The following GIPR variants were observed in gnomAD, a reference collection of about 807,000 sequenced individuals.
GIPR encodes the protein gastric inhibitory polypeptide receptor.
A neutral mutation model predicts 62.2 loss-of-function variants in GIPR; 74 were observed. The ratio of observed to expected loss-of-function variants is 1.19; its 90% CI spans 0.99 to 1.44. GIPR has a LOEUF of 1.44. GIPR is among the 40% of genes most tolerant of loss of function. The pLI is 0.00. For synonymous variants in GIPR, 256 were observed against 262.2 expected (o/e 0.98, Z 0.23); for missense variants, 664 against 611.8 (o/e 1.09, Z -0.90).
chr19:45,681,437 G>A (rs972209022), intron 12 of GIPR, among the ~76,000 whole-genome samples, 167 bp from the exon 13 acceptor site: 2 of 152,172 alleles, frequency 1.3e-5, no homozygotes, highest in Admixed American at 1.3e-4. Flanking sequence ...AGAGGTTGCC[G>A]TTTGCCGAGA....
At position 45,670,714 on chromosome 19, in the gene GIPR, C is replaced by T. The variant is rs768343561; in HGVS notation, c.152C>T (p.Ala51Val). 5 of 1,608,014 alleles carry T rather than the reference C, an allele frequency of 3.1e-6. No homozygotes were observed. In the South Asian group the frequency reaches 4.4e-5, roughly 14 times the overall value. ...RYRRECQETLAAAEPPSGLAC... is the reference protein window; with the variant it reads ...RYRRECQETLVAAEPPSGLAC... ...CGCAGGGAGTGCCAGGAGACCTTGG[C>T]AGCCGCGGAACCGCCTTCAGGTGTG... Residue 51 changes from alanine to valine, a missense_variant, in exon 3 of 14, where the codon GCA becomes GTA. Physicochemically the swap from Ala to Val is moderately conservative, Grantham distance 64 (BLOSUM62 0). Coordinates refer to ENST00000590918, the MANE Select transcript of GIPR (RefSeq NM_000164.4).
In GIPR at chr19:45,672,970, G is replaced by A; in HGVS notation, c.384+16G>A. The A allele has an allele frequency of 1.4e-6, 2 of 1,444,708 alleles. No individual in the cohort carries two copies. The highest frequency in any genetic ancestry group is 9.8e-7 in the Non-Finnish European group (1 of 1,025,280). The allele number at this position is 1,444,708 out of a possible 1,614,324, so 89.5% of individuals were successfully genotyped here. A position where few individuals can be genotyped will look rare whatever the true frequency, so the allele number is the denominator to read the frequency against. The stretch of plus-strand genomic sequence containing the variant: ...GGCCTTTCTGGTAAGAAGAGGTGAG[G>A]GCTTCAGGTTAGGAGTCCAGGGAGA... On this transcript the variant is annotated intron_variant, in intron 5 of 13. Coordinates refer to ENST00000590918, the MANE Select transcript of GIPR (RefSeq NM_000164.4).
intron 6 of GIPR, 26 bp downstream of exon 6, chr19:45,674,203 C>A: frequency 2.1e-6 from 3 of 1,447,296 alleles, no homozygotes; most frequent in Non-Finnish European, 2.9e-6. Flanking sequence ...TGAGTGGTGG[C>A]GGCAGAGATG....
chr19:45,670,574 G>T (rs1975479606), intron 2 of GIPR, 61 bp from the exon 3 acceptor site: 3 of 1,196,446 alleles, frequency 2.5e-6, no homozygotes, highest in Non-Finnish European at 3.7e-6. Context: ...GGGCCACATG[G>T]ACCTAGCAGC....
intron 4 of GIPR, among the ~76,000 whole-genome samples, chr19:45,672,467 C>T (rs1975593422): frequency 6.6e-6 from 1 of 152,106 alleles, no homozygotes; most frequent in South Asian, 2.1e-4. Context: ...CCACCACACC[C>T]AGCTAATTTT....
Position 45,677,097 on chromosome 19 carries a change from T to A in GIPR, c.782T>A (p.Leu261His), listed in dbSNP as rs756277634. 3.2e-5 allele frequency: 51 copies of A among 1,613,624 alleles called. No homozygotes were observed. Among genetic ancestry groups the A allele is most frequent in the Non-Finnish European group, 4.3e-5 (51 of 1,179,992 alleles). Residue 261 changes from leucine (L) to histidine (H), a missense_variant, in exon 8 of 14, where the codon CTC becomes CAC. Leu to His is a moderately conservative substitution (Grantham distance 99, BLOSUM62 -3). Transcript: ENST00000590918. The stretch of plus-strand genomic sequence containing the variant: ...GAGGGCCACTTCCGCTACTACCTGC[T>A]CCTCGGCTGGGGTGAGCTCCGATCC... Reference protein sequence around the residue: ...SEEGHFRYYLLLGWGAPALFV... With the variant: ...SEEGHFRYYLHLGWGAPALFV...
At chr19:45,672,565 A>C (rs1975597728) in intron 4 of GIPR, 1 of 375,816 alleles carries the variant, frequency 2.7e-6, no homozygotes, top group South Asian at 2.1e-5. Flanking sequence ...TTGGCCTCCC[A>C]AAGTGCTGGG....
intron 7 of GIPR, among the ~76,000 whole-genome samples, chr19:45,675,811 C>A (rs1411277941): frequency 6.6e-6 from 1 of 152,086 alleles, no homozygotes; most frequent in Non-Finnish European, 1.5e-5. Context: ...TCACTTGAGT[C>A]CATCAGGTCG....
rs1037001864 is a variant in GIPR, at chr19:45,682,152, G to T, written c.*217G>T. ...AATGGTTATGAAGGGAAGCGAGAAG[G>T]GGGCCTAGGGTGGTCTGGGAGGCGT... On this transcript the variant is annotated 3_prime_UTR_variant, in exon 14 of 14. Transcript: ENST00000590918. 3 of 578,310 alleles carry T rather than the reference G, an allele frequency of 5.2e-6. No individual in the cohort carries two copies. The highest frequency in any genetic ancestry group is 3.1e-5 in the East Asian group (1 of 32,628). 35.8% of individuals were successfully genotyped at this position (578,310 alleles called of 1,614,324 possible).
chr19:45,677,228 C>G, intron 8 of GIPR, 95 bp from the exon 9 acceptor site: 1 of 1,377,314 alleles, frequency 7.3e-7, no homozygotes, highest in Non-Finnish European at 1.0e-6. Context: ...TTCCCCACCC[C>G]GACAGAGGAA....
chr19:45,673,052 C>T (rs1448260857), intron 5 of GIPR, 98 bp downstream of exon 5: 1 of 763,528 alleles, frequency 1.3e-6, no homozygotes, highest in Non-Finnish European at 2.4e-6. Context: ...GTTCAGACCT[C>T]TGGGTTGTAA....
intron 5 of GIPR, among the ~76,000 whole-genome samples, chr19:45,673,778 C>T (rs1286470028): frequency 1.3e-5 from 2 of 151,862 alleles, no homozygotes; most frequent in African/African-American, 2.4e-5. Flanking sequence ...GTGGGAGGAT[C>T]GCTTGGGCCC....
In GIPR at chr19:45,669,528, CCT is replaced by C; in HGVS notation, c.12_13del (p.Pro5AspfsTer23). On this transcript the variant is annotated frameshift_variant, in exon 2 of 14. Coordinates refer to ENST00000590918, the MANE Select transcript of GIPR (RefSeq NM_000164.4). LOFTEE classifies it high-confidence loss of function. Reference sequence around the variant, plus strand: ...CCCTTCGCCGCCCTCACGATGACTACCTCTCCGATCCTGCAGCTGCTGCTGCG... The same window carrying C: ...CCCTTCGCCGCCCTCACGATGACTACCTCCGATCCTGCAGCTGCTGCTGCG... 1 of 1,576,172 alleles carries C rather than the reference CCT, an allele frequency of 6.3e-7. No individual in the cohort carries two copies. Among genetic ancestry groups the C allele is most frequent in the Non-Finnish European group, 8.6e-7 (1 of 1,163,964 alleles).
intron 13 of GIPR, 35 bp downstream of exon 13, chr19:45,681,680 G>A: frequency 6.2e-7 from 1 of 1,612,120 alleles, no homozygotes; most frequent in African/African-American, 1.3e-5. Flanking sequence ...CCCGCCCTCT[G>A]GCGGCAGCGC....
In GIPR at chr19:45,674,121, C is replaced by T; in HGVS notation, c.432C>T (p.Gly144=). Residue 144 remains glycine, a synonymous_variant, in exon 6 of 14, where the codon GGC becomes GGT. Transcript: ENST00000590918. The part of the protein sequence containing the change: ...LERLQVMYTV[G]YSLSLATLLL... The stretch of plus-strand genomic sequence containing the variant: ...GGTTGCAGGTCATGTACACTGTCGG[C>T]TACTCCCTGTCTCTCGCCACACTGC... The T allele has an allele frequency of 1.2e-6, 2 of 1,613,824 alleles. No individual in the cohort carries two copies. Among genetic ancestry groups the T allele is most frequent in the South Asian group, 2.2e-5 (2 of 91,076 alleles).
intron 4 of GIPR, 104 bp from the exon 5 acceptor site, chr19:45,672,745 CAT>C (rs1975607349): frequency 5.5e-6 from 4 of 723,786 alleles, no homozygotes; most frequent in Non-Finnish European, 1.0e-5. Context: ...TCATCATCAT[CAT>C]CACCACTTCG....
chr19:45,670,025 G>T (rs1975454784), intron 2 of GIPR, among the ~76,000 whole-genome samples: 1 of 151,704 alleles, frequency 6.6e-6, no homozygotes, highest in East Asian at 1.9e-4. Context: ...CAAGTTGTTG[G>T]GTGGTGGTTT....
At chr19:45,676,921 CCCCT>C in intron 7 of GIPR, 24 bp from the exon 8 acceptor site, 1 of 1,610,530 alleles carries the variant, frequency 6.2e-7, no homozygotes, top group East Asian at 2.2e-5. Context: ...GCGCTGACTA[CCCCT>C]CTACCGGTCT....
chr19:45,676,210 A>G (rs1250793815), intron 7 of GIPR, among the ~76,000 whole-genome samples: 2 of 151,528 alleles, frequency 1.3e-5, no homozygotes, highest in East Asian at 3.9e-4. Flanking sequence ...CTAAAAAAAA[A>G]AAAAAAAAAA....
Sources: gnomAD v4.1 joint callset for allele counts (sites outside exome capture counted in the v4.1 genomes callset) on GRCh38, gnomAD v4.1.1 for gene constraint, MANE v1.5 for transcripts, NCBI Gene and HGNC (gene_info 2026-07-23, HGNC 2026-07-21) for gene names.